KCNIP4: variants seen among roughly 807,000 people sequenced by gnomAD.
KCNIP4 encodes Kv channel-interacting protein 4.
KCNIP4 carries 12 observed loss-of-function variants against 34.0 expected under a neutral mutation model. That is an observed-to-expected ratio of 0.35 (90% CI 0.23 to 0.57). The LOEUF is 0.57. KCNIP4 is among the 20% of genes least tolerant of loss of function. KCNIP4 has a pLI of 0.83. For missense variants in KCNIP4, 238 were observed against 311.7 expected, an observed-to-expected ratio of 0.76 and a Z score of 1.78; for synonymous variants, 124 against 102.2, an observed-to-expected ratio of 1.21 and a Z score of -1.29.
intron 1 of KCNIP4, among the ~76,000 whole-genome samples, chr4:21,599,284 C>T (rs1742907135): frequency 6.6e-6 from 1 of 152,100 alleles, no homozygotes; most frequent in South Asian, 2.1e-4. Context: ...ATTCTGGTTA[C>T]TTCCCTGTCT....
intron 1 of KCNIP4, among the ~76,000 whole-genome samples, chr4:21,512,422 A>T (rs1313001736): frequency 3.3e-5 from 5 of 152,182 alleles, no homozygotes; most frequent in Non-Finnish European, 5.9e-5. Flanking sequence ...TGGCATTCAG[A>T]CAAAAGGTTA....
At chr4:21,586,998 T>C (rs1741672878) in intron 1 of KCNIP4, among the ~76,000 whole-genome samples, 1 of 151,964 alleles carries the variant, frequency 6.6e-6, no homozygotes, top group African/African-American at 2.4e-5. Context: ...AGGAGTGAAA[T>C]GGTGTTCACT....
intron 1 of KCNIP4, among the ~76,000 whole-genome samples, chr4:21,018,809 A>C (rs961397588): frequency 6.6e-6 from 1 of 152,214 alleles, no homozygotes; most frequent in Non-Finnish European, 1.5e-5. Context: ...CATAGAAAGT[A>C]TTAGTGAGAA....
intron 1 of KCNIP4, among the ~76,000 whole-genome samples, chr4:20,901,014 C>A (rs1397045726): frequency 6.6e-6 from 1 of 151,300 alleles, no homozygotes; most frequent in East Asian, 1.9e-4. Flanking sequence ...CAGAGCAGGA[C>A]AATTTGTCTG....
intron 1 of KCNIP4, among the ~76,000 whole-genome samples, chr4:21,744,925 CCGTGG>C (rs894234007): frequency 2.6e-4 from 40 of 152,168 alleles, no homozygotes; most frequent in African/African-American, 8.9e-4. Context: ...CACCGACCTA[CCGTGG>C]TTCAACTTGG....
chr4:21,887,827 T>G (rs1578112257), intron 1 of KCNIP4, among the ~76,000 whole-genome samples: 1 of 152,174 alleles, frequency 6.6e-6, no homozygotes, highest in East Asian at 1.9e-4. Flanking sequence ...TGCTGATGAT[T>G]GAAACCAGTT....
chr4:21,060,524 A>G (rs1261447017), intron 1 of KCNIP4, among the ~76,000 whole-genome samples: 1 of 152,172 alleles, frequency 6.6e-6, no homozygotes, highest in Non-Finnish European at 1.5e-5. Flanking sequence ...TCTTTTCACA[A>G]ACACCTGTGC....
chr4:21,824,899 T>G (rs190658211), intron 1 of KCNIP4, among the ~76,000 whole-genome samples: 141 of 152,232 alleles, frequency 9.3e-4, no homozygotes, highest in African/African-American at 3.2e-3. Context: ...ATCTACTAGC[T>G]GACTGCTAGT....
rs140949566 is a variant in KCNIP4 at position 21,105,030 on chromosome 4, A to G, written c.62-222321T>C. Among the ~76,000 whole-genome samples, 509 of 151,804 alleles carry G rather than the reference A, an allele frequency of 3.4e-3. 16 individuals are homozygous for G. The highest frequency in any genetic ancestry group is 0.011 in the African/African-American group (466 of 41,096). The stretch of plus-strand genomic sequence containing the variant: ...GTATAGTCTGAAGTCAGGTAGCGTG[A>G]TGCTTCCAGCTTTGTTCTTTTGGCT... On this transcript the variant is annotated intron_variant, in intron 1 of 8. Coordinates refer to ENST00000382152, the MANE Select transcript of KCNIP4 (RefSeq NM_025221.6).
intron 1 of KCNIP4, among the ~76,000 whole-genome samples, chr4:21,934,968 C>T (rs1378060511): frequency 1.3e-5 from 2 of 152,164 alleles, no homozygotes; most frequent in African/African-American, 4.8e-5. Flanking sequence ...TGTGCATGCA[C>T]ATGTACAAAC....
intron 1 of KCNIP4, among the ~76,000 whole-genome samples, chr4:21,401,454 C>T (rs1222920023): frequency 1.3e-5 from 2 of 152,128 alleles, no homozygotes; most frequent in Non-Finnish European, 2.9e-5. Context: ...TTTTCTGGGG[C>T]AGACCTATTA....
At chr4:21,450,754 G>A (rs1245643267) in intron 1 of KCNIP4, among the ~76,000 whole-genome samples, 1 of 152,120 alleles carries the variant, frequency 6.6e-6, no homozygotes. Flanking sequence ...TACAAAATGA[G>A]TTTGACATTT....
intron 1 of KCNIP4, among the ~76,000 whole-genome samples, chr4:21,888,976 G>C (rs1320153894): frequency 6.6e-6 from 1 of 152,120 alleles, no homozygotes; most frequent in East Asian, 1.9e-4. Context: ...AAAACTTTTT[G>C]AGCATCAACA....
intron 1 of KCNIP4, among the ~76,000 whole-genome samples, chr4:21,894,441 C>A (rs1727268466): frequency 6.6e-6 from 1 of 152,072 alleles, no homozygotes; most frequent in Non-Finnish European, 1.5e-5. Context: ...AGGTATGGTT[C>A]ATTAATTCCT....
chr4:21,609,378 C>T (rs911360828), intron 1 of KCNIP4, among the ~76,000 whole-genome samples: 2 of 152,058 alleles, frequency 1.3e-5, no homozygotes, highest in African/African-American at 4.8e-5. Context: ...CCATGCTTTC[C>T]ACAGTACCAG....
At chr4:21,231,992 A>C (rs1441128742) in intron 1 of KCNIP4, among the ~76,000 whole-genome samples, 1 of 152,168 alleles carries the variant, frequency 6.6e-6, no homozygotes, top group East Asian at 1.9e-4. Context: ...AAAGTATATG[A>C]ACAGGTTAAT....
At chr4:21,056,510 C>T (rs978055769) in intron 1 of KCNIP4, among the ~76,000 whole-genome samples, 12 of 152,106 alleles carry the variant, frequency 7.9e-5, no homozygotes, top group African/African-American at 2.9e-4. Flanking sequence ...TTCACATGTT[C>T]ATGTGTCTGT....
rs527994527 is a variant in KCNIP4, at chr4:20,954,285, G to A, written c.62-71576C>T. On this transcript the variant is annotated intron_variant, in intron 1 of 8. Coordinates refer to ENST00000382152, the MANE Select transcript of KCNIP4 (RefSeq NM_025221.6). ...ACGAAAGAAACATGTTATTTTCATA[G>A]AGGAGAGTTGGAAAGATTTCTTAAA... is the stretch of plus-strand genomic sequence containing the variant. Among the ~76,000 whole-genome samples the A allele has an allele frequency of 4.6e-5, 7 of 152,260 alleles. No individual in the cohort carries two copies. In the South Asian group the frequency reaches 1.5e-3, roughly 32 times the overall value.
At chr4:21,777,669 T>C (rs1719273277) in intron 1 of KCNIP4, among the ~76,000 whole-genome samples, 2 of 152,200 alleles carry the variant, frequency 1.3e-5, no homozygotes, top group South Asian at 4.1e-4. Context: ...TATTGTGAAC[T>C]CTACCACTAG....
Sources: gnomAD v4.1 joint callset for allele counts (sites outside exome capture counted in the v4.1 genomes callset) on GRCh38, gnomAD v4.1.1 for gene constraint, MANE v1.5 for transcripts, NCBI Gene and HGNC (gene_info 2026-07-23, HGNC 2026-07-21) for gene names.